Variants in MCTP1 observed in about 807,000 individuals in gnomAD.
The protein encoded by MCTP1 is multiple C2 and transmembrane domain containing 1.
Under a neutral mutation model 120.6 loss-of-function variants are expected in MCTP1, and 69 were observed. That is an observed-to-expected ratio of 0.57 (90% CI 0.47 to 0.70). MCTP1 has a LOEUF of 0.70. Among genes scored for constraint, MCTP1 ranks in the 30% least tolerant of loss-of-function variants. The probability of loss-of-function intolerance (pLI) is 0.00; values close to 1 mark genes in which losing one functional copy is unlikely to be tolerated. For missense variants in MCTP1, 1,203 were observed against 1,248.8 expected (o/e 0.96, Z 0.55); for synonymous variants, 529 against 493.1 (o/e 1.07, Z -0.96).
At chr5:94,922,421 C>G (rs903937874) in intron 7 of MCTP1, among the ~76,000 whole-genome samples, 3 of 152,094 alleles carry the variant, frequency 2.0e-5, no homozygotes, top group African/African-American at 7.2e-5. Context: ...ACATTTGCTG[C>G]ACATAGAACA....
intron 19 of MCTP1, among the ~76,000 whole-genome samples, chr5:94,718,583 C>T (rs904556946): frequency 6.6e-6 from 1 of 152,004 alleles, no homozygotes; most frequent in Admixed American, 6.6e-5. Flanking sequence ...ACAGACAACC[C>T]ACAGAATGGC....
chr5:94,981,048 T>C (rs139339268), intron 2 of MCTP1, among the ~76,000 whole-genome samples: 2 of 152,142 alleles, frequency 1.3e-5, no homozygotes, highest in Non-Finnish European at 1.5e-5. Context: ...AAGTGTTTAA[T>C]GTGACAAGTG....
intron 2 of MCTP1, among the ~76,000 whole-genome samples, chr5:94,976,975 G>A (rs1828254402): frequency 6.6e-6 from 1 of 152,016 alleles, no homozygotes; most frequent in African/African-American, 2.4e-5. Context: ...CCTATCCAGA[G>A]GAATTGGACA....
intron 1 of MCTP1, among the ~76,000 whole-genome samples, chr5:95,200,595 A>C (rs1750899027): frequency 6.6e-6 from 1 of 152,220 alleles, no homozygotes; most frequent in Non-Finnish European, 1.5e-5. Context: ...AATAAGTCAG[A>C]CACAGAAAGA....
At chr5:95,069,864 A>AT (rs546060424) in intron 1 of MCTP1, among the ~76,000 whole-genome samples, 14 of 151,550 alleles carry the variant, frequency 9.2e-5, no homozygotes, top group African/African-American at 3.1e-4. Flanking sequence ...ACGCCCGGCT[A>AT]TTTTTTTTAT....
intron 1 of MCTP1, among the ~76,000 whole-genome samples, chr5:95,170,811 C>T (rs1195996385): frequency 6.6e-6 from 1 of 152,176 alleles, no homozygotes; most frequent in African/African-American, 2.4e-5. Flanking sequence ...TGTCTCTGCA[C>T]ATGAGATGGG....
rs1015380176 is a variant in MCTP1, at chr5:94,822,383, A to G, written c.2437-23251T>C. Among the ~76,000 whole-genome samples, 11 of 152,338 alleles carry G rather than the reference A, an allele frequency of 7.2e-5. No homozygotes were observed. In the East Asian group the frequency reaches 1.7e-3, roughly 24 times the overall value. On this transcript the variant is annotated intron_variant, in intron 17 of 22. Coordinates refer to ENST00000515393, the MANE Select transcript of MCTP1 (RefSeq NM_024717.7). ...CTTCATCCATGTCCCTGCAAAGGGCATGAACTCATTATTTTTTATGGCTGC... is the reference window on the plus strand; with the variant it reads ...CTTCATCCATGTCCCTGCAAAGGGCGTGAACTCATTATTTTTTATGGCTGC...
intron 10 of MCTP1, among the ~76,000 whole-genome samples, chr5:94,898,398 TG>T (rs1804648907): frequency 6.6e-6 from 1 of 152,244 alleles, no homozygotes; most frequent in African/African-American, 2.4e-5. Context: ...GCTTTACTGA[TG>T]GGTATCAAAT....
intron 1 of MCTP1, among the ~76,000 whole-genome samples, chr5:95,040,338 T>G (rs1842121266): frequency 6.6e-6 from 1 of 151,414 alleles, no homozygotes; most frequent in Non-Finnish European, 1.5e-5. Context: ...CTTGGGAGAC[T>G]GAGACACCAG....
chr5:94,992,227 G>A (rs753866103), intron 2 of MCTP1, among the ~76,000 whole-genome samples: 10 of 152,110 alleles, frequency 6.6e-5, no homozygotes, highest in Non-Finnish European at 1.3e-4. Flanking sequence ...GTTCTCATTT[G>A]GGAATATTCA....
intron 1 of MCTP1, among the ~76,000 whole-genome samples, chr5:95,031,652 A>AAG: frequency 6.6e-6 from 1 of 152,288 alleles, no homozygotes; most frequent in Non-Finnish European, 1.5e-5. Context: ...TAACCATGGA[A>AAG]AGAAAGAATG....
chr5:94,905,310 T>C (rs1028612994), intron 10 of MCTP1, among the ~76,000 whole-genome samples: 1 of 152,232 alleles, frequency 6.6e-6, no homozygotes, highest in Non-Finnish European at 1.5e-5. Context: ...TATAGGCCAC[T>C]GAAGGGACTG....
At chr5:95,205,363 C>T (rs1751508833) in intron 1 of MCTP1, among the ~76,000 whole-genome samples, 1 of 152,012 alleles carries the variant, frequency 6.6e-6, no homozygotes, top group Non-Finnish European at 1.5e-5. Flanking sequence ...CATCAAAGAA[C>T]TAAAGGTAAA....
intron 1 of MCTP1, among the ~76,000 whole-genome samples, chr5:95,153,255 A>G (rs1010141083): frequency 1.3e-5 from 2 of 152,172 alleles, no homozygotes; most frequent in African/African-American, 4.8e-5. Flanking sequence ...TCCTGCCACC[A>G]TGTAATATAT....
At chr5:94,828,951 G>A (rs1044545595) in intron 17 of MCTP1, among the ~76,000 whole-genome samples, 2 of 152,128 alleles carry the variant, frequency 1.3e-5, no homozygotes, top group African/African-American at 4.8e-5. Flanking sequence ...GGAGTAAACA[G>A]TTCTGTCTCT....
intron 2 of MCTP1, among the ~76,000 whole-genome samples, chr5:94,969,161 G>A (rs1581628019): frequency 1.3e-5 from 2 of 152,158 alleles, no homozygotes; most frequent in East Asian, 3.8e-4. Flanking sequence ...TACTCATGTA[G>A]CAAAGGAGTA....
chr5:95,024,046 G>A (rs1418485928), intron 1 of MCTP1: 7 of 441,126 alleles, frequency 1.6e-5, no homozygotes, highest in Middle Eastern at 3.3e-4. Context: ...CCTAATCTAC[G>A]GATGGTCTTT....
chr5:94,710,806 G>C lies in MCTP1; in HGVS notation c.2830+12C>G. On this transcript the variant is annotated intron_variant, in intron 21 of 22. Coordinates refer to ENST00000515393, the MANE Select transcript of MCTP1 (RefSeq NM_024717.7). ...TAAGACAGTTTGGGGGAGTGGGGGA[G>C]GCTTTACTTACCCCAGACAAGGACA... The C allele has an allele frequency of 6.4e-7, 1 of 1,573,062 alleles. No homozygotes were observed. The highest frequency in any genetic ancestry group is 8.7e-7 in the Non-Finnish European group (1 of 1,144,142).
chr5:95,159,488 A>T (rs985254817), intron 1 of MCTP1, among the ~76,000 whole-genome samples: 1 of 152,208 alleles, frequency 6.6e-6, no homozygotes, highest in Non-Finnish European at 1.5e-5. Flanking sequence ...ATTTTCAAAA[A>T]TCATTTGTGA....
Sources: allele counts gnomAD v4.1 joint callset (sites outside exome capture counted in the v4.1 genomes callset), GRCh38; gene constraint gnomAD v4.1.1; transcripts MANE v1.5; gene names NCBI Gene and HGNC (gene_info 2026-07-23, HGNC 2026-07-21).